ADAMTSL1: variants seen among roughly 807,000 people sequenced by gnomAD.
ADAMTSL1 encodes the protein ADAMTS like 1.
A neutral mutation model predicts 201.8 loss-of-function variants in ADAMTSL1; 126 were observed. The ratio of observed to expected loss-of-function variants is 0.62; its 90% CI spans 0.54 to 0.72. The LOEUF (loss-of-function observed/expected upper bound fraction) is 0.72. ADAMTSL1 is among the 30% of genes least tolerant of loss of function. The probability of loss-of-function intolerance (pLI) is 0.00; values close to 1 mark genes in which losing one functional copy is unlikely to be tolerated. For missense variants in ADAMTSL1, 2,679 were observed against 2,277.8 expected (o/e 1.18, Z -3.59); for synonymous variants, 1,121 against 903.4 (o/e 1.24, Z -4.32).
chr9:17,967,833 A>T (rs1287516136), intron 1 of ADAMTSL1, among the ~76,000 whole-genome samples: 1 of 152,074 alleles, frequency 6.6e-6, no homozygotes, highest in Non-Finnish European at 1.5e-5. Context: ...CAAAATTTCT[A>T]GTTTTCCTCC....
intron 1 of ADAMTSL1, among the ~76,000 whole-genome samples, chr9:17,953,101 C>G (rs1450565837): frequency 1.3e-5 from 2 of 151,634 alleles, no homozygotes; most frequent in Admixed American, 6.6e-5. Flanking sequence ...ATACTGCAAA[C>G]CAAAGCTGCC....
At chr9:18,171,237 A>T (rs1401033876) in intron 2 of ADAMTSL1, among the ~76,000 whole-genome samples, 1 of 152,068 alleles carries the variant, frequency 6.6e-6, no homozygotes, top group African/African-American at 2.4e-5. Flanking sequence ...GGTATATCAC[A>T]GATGTGCTGT....
intron 23 of ADAMTSL1, among the ~76,000 whole-genome samples, chr9:18,840,326 G>A (rs1391007013): frequency 6.6e-6 from 1 of 152,102 alleles, no homozygotes; most frequent in Non-Finnish European, 1.5e-5. Context: ...TCTCAGGTTT[G>A]TCAAAGATCA....
At chr9:17,930,106 A>G (rs938720447) in intron 1 of ADAMTSL1, among the ~76,000 whole-genome samples, 1 of 152,232 alleles carries the variant, frequency 6.6e-6, no homozygotes, top group Non-Finnish European at 1.5e-5. Flanking sequence ...ATTAGCTACT[A>G]TAGTAGAAAA....
chr9:18,132,698 G>T (rs115386110), intron 1 of ADAMTSL1, among the ~76,000 whole-genome samples: 266 of 152,008 alleles, frequency 1.7e-3, no homozygotes, highest in African/African-American at 6.1e-3. Flanking sequence ...TCTTTCCATT[G>T]TACCCTTTTT....
At chr9:18,629,614 T>A (rs1826615521) in intron 5 of ADAMTSL1, among the ~76,000 whole-genome samples, 2 of 152,182 alleles carry the variant, frequency 1.3e-5, no homozygotes, top group African/African-American at 4.8e-5. Context: ...TGTATTATTC[T>A]TTATATAGAT....
intron 1 of ADAMTSL1, among the ~76,000 whole-genome samples, chr9:18,094,279 G>A (rs989635393): frequency 5.3e-5 from 8 of 152,188 alleles, no homozygotes; most frequent in African/African-American, 1.9e-4. Flanking sequence ...CAGCTATTCT[G>A]TGGCTGGTCA....
chr9:18,048,282 T>C (rs1211400052), intron 1 of ADAMTSL1, among the ~76,000 whole-genome samples: 6 of 152,220 alleles, frequency 3.9e-5, no homozygotes, highest in Non-Finnish European at 8.8e-5. Context: ...CTGCTTATGT[T>C]TCCTTTATAT....
At chr9:18,602,153 C>T (rs1310472094) in intron 4 of ADAMTSL1, among the ~76,000 whole-genome samples, 1 of 152,172 alleles carries the variant, frequency 6.6e-6, no homozygotes, top group Non-Finnish European at 1.5e-5. Context: ...GTAGTCATAT[C>T]TTGAGTCATT....
intron 23 of ADAMTSL1, among the ~76,000 whole-genome samples, chr9:18,843,013 T>C (rs1825834270): frequency 6.6e-6 from 1 of 152,152 alleles, no homozygotes; most frequent in African/African-American, 2.4e-5. Context: ...GTCTTTTAAT[T>C]GGAGCATTTA....
chr9:18,626,010 A>G (rs905570253), intron 5 of ADAMTSL1, among the ~76,000 whole-genome samples: 1 of 152,242 alleles, frequency 6.6e-6, no homozygotes, highest in African/African-American at 2.4e-5. Flanking sequence ...ATAATAAAAC[A>G]CAGGCCTCTA....
intron 16 of ADAMTSL1, among the ~76,000 whole-genome samples, chr9:18,768,858 A>G (rs1010811284): frequency 2.0e-5 from 3 of 152,166 alleles, no homozygotes; most frequent in Non-Finnish European, 2.9e-5. Context: ...GTTTATTACC[A>G]TTGGGTATGG....
chr9:18,077,608 C>T (rs1249649574), intron 1 of ADAMTSL1, among the ~76,000 whole-genome samples: 2 of 152,128 alleles, frequency 1.3e-5, no homozygotes, highest in Non-Finnish European at 2.9e-5. Context: ...AGAGGCCACA[C>T]TGGAGTAGCT....
intron 2 of ADAMTSL1, among the ~76,000 whole-genome samples, chr9:18,395,050 A>C (rs1195982195): frequency 1.3e-5 from 2 of 152,206 alleles, no homozygotes; most frequent in Non-Finnish European, 2.9e-5. Flanking sequence ...TTGATGTCCC[A>C]ACTTGGTAAA....
chr9:18,498,974 G>A (rs539184820), intron 1 of ADAMTSL1, among the ~76,000 whole-genome samples: 35 of 152,362 alleles, frequency 2.3e-4, no homozygotes, highest in African/African-American at 7.9e-4. Flanking sequence ...ACAGGAATGC[G>A]CAAAAGCGCA....
intron 1 of ADAMTSL1, among the ~76,000 whole-genome samples, chr9:17,975,627 G>T (rs1678830810): frequency 6.6e-6 from 1 of 152,010 alleles, no homozygotes. Context: ...TCTTATCACA[G>T]ATATGGTTTG....
chr9:17,908,141 T>C (rs1347727450), intron 1 of ADAMTSL1, among the ~76,000 whole-genome samples: 2 of 152,100 alleles, frequency 1.3e-5, no homozygotes, highest in Admixed American at 6.5e-5. Context: ...CTCTCATCAG[T>C]AGTAGAAATT....
At chr9:18,882,429 A>AAAAGT (rs1828587881) in intron 23 of ADAMTSL1, among the ~76,000 whole-genome samples, 1 of 152,270 alleles carries the variant, frequency 6.6e-6, no homozygotes, top group African/African-American at 2.4e-5. Context: ...CTGCAGTTTC[A>AAAAGT]AAAGTATATT....
chr9:18,773,500 A>AT (rs1820810825), intron 17 of ADAMTSL1, among the ~76,000 whole-genome samples: 1 of 152,210 alleles, frequency 6.6e-6, no homozygotes, highest in Non-Finnish European at 1.5e-5. Flanking sequence ...AGAATGCTTT[A>AT]TCAAATCAAA....
Sources: gnomAD v4.1 joint callset for allele counts (sites outside exome capture counted in the v4.1 genomes callset) on GRCh38, gnomAD v4.1.1 for gene constraint, MANE v1.5 for transcripts, NCBI Gene and HGNC (gene_info 2026-07-23, HGNC 2026-07-21) for gene names.